OVOL2: variants seen among roughly 807,000 people sequenced by gnomAD.
The protein encoded by OVOL2 is transcription factor Ovo-like 2.
OVOL2 carries 13 observed loss-of-function variants against 18.1 expected under a neutral mutation model. The observed-to-expected ratio is 0.72, with a 90% CI of 0.47 to 1.14. The LOEUF (loss-of-function observed/expected upper bound fraction) is 1.14. Among genes scored for constraint, OVOL2 ranks in the 50% most tolerant of loss-of-function variants. The pLI, the probability that OVOL2 is intolerant of heterozygous loss-of-function variation, is 0.00. For synonymous variants in OVOL2, 166 were observed against 162.7 expected, an observed-to-expected ratio of 1.02 and a Z score of -0.16; for missense variants, 335 against 383.0, an observed-to-expected ratio of 0.87 and a Z score of 1.05.
chr20:18,042,594 T>C (rs1285073768), intron 2 of OVOL2, among the ~76,000 whole-genome samples: 1 of 151,856 alleles, frequency 6.6e-6, no homozygotes. Flanking sequence ...CTGACCAACG[T>C]GGAGAAATCC....
chr20:18,050,670 T>C (rs2036764366), intron 2 of OVOL2: 1 of 152,244 alleles, frequency 6.6e-6, no homozygotes, highest in African/African-American at 2.4e-5. Context: ...CAAGCATTTT[T>C]CCAGTATCCC....
intron 3 of OVOL2, among the ~76,000 whole-genome samples, chr20:18,039,320 T>A (rs974296773): frequency 6.6e-6 from 1 of 152,124 alleles, no homozygotes; most frequent in African/African-American, 2.4e-5. Flanking sequence ...AAATGAAAAG[T>A]CTCTTTAGAA....
chr20:18,035,718 C>T (rs192428782), intron 3 of OVOL2, among the ~76,000 whole-genome samples: 10 of 152,200 alleles, frequency 6.6e-5, no homozygotes, highest in African/African-American at 2.4e-4. Flanking sequence ...CATGGAGACA[C>T]ACCTTCATCA....
chr20:18,027,134 T>C (rs1049394975), intron 3 of OVOL2, among the ~76,000 whole-genome samples: 10 of 151,960 alleles, frequency 6.6e-5, no homozygotes, highest in Middle Eastern at 3.4e-3. Context: ...AGGTTGAGAC[T>C]GGTATGTGAC....
chr20:18,056,694 G>T lies in OVOL2; in HGVS notation c.284C>A (p.Ala95Glu). The T allele has an allele frequency of 6.9e-7, 1 of 1,447,630 alleles. No homozygotes were observed. The highest frequency in any genetic ancestry group is 9.0e-7 in the Non-Finnish European group (1 of 1,105,324). The allele number at this position is 1,447,630 out of a possible 1,614,324, so 89.7% of individuals were successfully genotyped here. A position where few individuals can be genotyped will look rare whatever the true frequency, so the allele number is the denominator to read the frequency against. ...GDAEGPDGHL[A>E]TKQRPVARSK... ...TCTGGCGACCGGGCGCTGCTTGGTC[G>T]CCAGGTGTCCATCGGGGCCCTCGGC... The change falls in exon 2 of 4, where the codon GCG (alanine) becomes GAG (glutamate). Residue 95 changes from alanine (A) to glutamate (E), a missense_variant. Ala to Glu is a moderately radical substitution (Grantham distance 107). Transcript: ENST00000278780. This position sits in a 1 kb window ranked among gnomAD's most constrained non-coding sequence, Gnocchi z 4.2.
intron 3 of OVOL2, among the ~76,000 whole-genome samples, chr20:18,037,135 C>CA (rs762848266): frequency 0.15 from 10,750 of 72,994 alleles, 1,371 homozygotes; most frequent in East Asian, 0.4. Flanking sequence ...GACTCCGTCT[C>CA]AAAAAAAAAA....
intron 3 of OVOL2, among the ~76,000 whole-genome samples, chr20:18,025,269 T>A (rs1028053922): frequency 8.6e-5 from 13 of 152,030 alleles, no homozygotes; most frequent in Non-Finnish European, 1.6e-4. Context: ...AGTAAACTTT[T>A]AAAAAAAATT....
At chr20:18,050,147 T>C (rs561202043) in intron 2 of OVOL2, among the ~76,000 whole-genome samples, 2 of 152,326 alleles carry the variant, frequency 1.3e-5, no homozygotes, top group East Asian at 3.9e-4. Context: ...CAACTCCTTT[T>C]GGTGGGCCTT....
chr20:18,047,102 T>G lies in OVOL2; in HGVS notation c.322-5379A>C, dbSNP rs528975386. Among the ~76,000 whole-genome samples the G allele has an allele frequency of 7.2e-5, 11 of 152,364 alleles. No homozygotes were observed. The South Asian group carries it at 2.3e-3, about 32-fold the overall frequency. ...GAGCAGGGTCTGTTTTCCAGTTTCC[T>G]CAATTCCTTCAATTCCTGTTCTACC... is the stretch of plus-strand genomic sequence containing the variant. On this transcript the variant is annotated intron_variant, in intron 2 of 3. Coordinates refer to ENST00000278780, the MANE Select transcript of OVOL2 (RefSeq NM_021220.4).
intron 2 of OVOL2, among the ~76,000 whole-genome samples, chr20:18,046,943 C>T (rs1041165552): frequency 1.9e-4 from 24 of 128,914 alleles, no homozygotes; most frequent in Admixed American, 1.0e-3. Context: ...TCTGAAGGAT[C>T]AAAAAAAAAA....
chr20:18,049,730 C>A (rs1354959332), intron 2 of OVOL2, among the ~76,000 whole-genome samples: 5 of 152,152 alleles, frequency 3.3e-5, no homozygotes. Flanking sequence ...TAGTGGCCAA[C>A]CCTGAGAATT....
Position 18,049,314 on chromosome 20 carries a change from A to G in OVOL2, c.321+7343T>C, listed in dbSNP as rs74464971. 9.2e-3 allele frequency among the ~76,000 whole-genome samples: 1,402 copies of G among 152,308 alleles called. 13 individuals are homozygous for G. Among genetic ancestry groups the G allele is most frequent in the African/African-American group, 0.026 (1,088 of 41,564 alleles). On this transcript the variant is annotated intron_variant, in intron 2 of 3. Transcript: ENST00000278780. ...CTGACCAGCTTCAAAGCCGGCTCAG[A>G]TCATTCACCTGTCAAACTTCTAAAG...
At chr20:18,051,891 C>A (rs902735582) in intron 2 of OVOL2, among the ~76,000 whole-genome samples, 1 of 152,138 alleles carries the variant, frequency 6.6e-6, no homozygotes, top group African/African-American at 2.4e-5. Flanking sequence ...TGCCACCAAG[C>A]CCTACTAATT....
Position 18,056,756 on chromosome 20 carries a change from C to T in OVOL2, c.222G>A (p.Pro74=), listed in dbSNP as rs772696393. The T allele has an allele frequency of 1.3e-6, 2 of 1,493,922 alleles. No individual in the cohort carries two copies. The highest frequency in any genetic ancestry group is 1.8e-6 in the Non-Finnish European group (2 of 1,129,204). 92.5% of individuals were successfully genotyped at this position (1,493,922 alleles called of 1,614,324 possible). The change falls in exon 2 of 4, where the codon CCG becomes CCA. Residue 74 remains proline, a synonymous_variant. Transcript: ENST00000278780. This position sits in a 1 kb window ranked among gnomAD's most constrained non-coding sequence, Gnocchi z 4.2. ...CGGGGGTTTCGCTCTCGGGGGCGTG[C>T]GGGGACGAGCTGCTCTCTGCTCCTC... The part of the protein sequence containing the change: ...EPGGAESSSS[P]HAPESETPEP...
chr20:18,045,654 T>C (rs1175365918), intron 2 of OVOL2, among the ~76,000 whole-genome samples: 1 of 152,074 alleles, frequency 6.6e-6, no homozygotes, highest in Non-Finnish European at 1.5e-5. Context: ...TTGTTTTTAA[T>C]TTTTTTTAGA....
chr20:18,057,998 T>C (rs2036846906), upstream of OVOL2: 3 of 484,256 alleles, frequency 6.2e-6, no homozygotes, highest in Non-Finnish European at 8.8e-6. This position sits in a 1 kb window ranked among gnomAD's most constrained non-coding sequence, Gnocchi z 6.3. Flanking sequence ...CGGGGCTGCC[T>C]GTTCCAGCCC....
At chr20:18,032,914 T>C (rs191392838) in intron 3 of OVOL2, among the ~76,000 whole-genome samples, 2 of 152,330 alleles carry the variant, frequency 1.3e-5, no homozygotes, top group African/African-American at 4.8e-5. Flanking sequence ...CATTTTTTTC[T>C]TTCCTTTTAT....
intron 2 of OVOL2, among the ~76,000 whole-genome samples, chr20:18,042,775 CAAAAAAAAA>C (rs141784334): frequency 2.1e-5 from 2 of 93,542 alleles, no homozygotes; most frequent in South Asian, 4.1e-4. Context: ...AACTCCGTCT[CAAAAAAAAA>C]AAAAAAAAAA....
rs2036488656 is a variant in OVOL2, at chr20:18,024,368, C to G, written c.*268G>C. ...ATCCTTGGGGGAAAAAAAAATCCCA[C>G]ACGGTGTTCTTGGCCATCAGGATCA... On this transcript the variant is annotated 3_prime_UTR_variant, in exon 4 of 4. Coordinates refer to ENST00000278780, the MANE Select transcript of OVOL2 (RefSeq NM_021220.4). 2.2e-6 allele frequency: 1 copy of G among 460,912 alleles called. No individual in the cohort carries two copies. Among genetic ancestry groups the G allele is most frequent in the Non-Finnish European group, 3.5e-6 (1 of 287,506 alleles). 28.6% of individuals were successfully genotyped at this position (460,912 alleles called of 1,614,324 possible). A position where few individuals can be genotyped will look rare whatever the true frequency, so the allele number is the denominator to read the frequency against.
Sources: gnomAD v4.1 joint callset for allele counts (sites outside exome capture counted in the v4.1 genomes callset) on GRCh38, gnomAD v4.1.1 for gene constraint, Gnocchi (gnomAD v3.1) non-coding constraint, MANE v1.5 for transcripts, NCBI Gene and HGNC (gene_info 2026-07-23, HGNC 2026-07-21) for gene names.